The following RP1 variants were observed in gnomAD, a reference collection of about 807,000 sequenced individuals.
The protein encoded by RP1 is oxygen-regulated protein 1.
A neutral mutation model predicts 14.8 loss-of-function variants in RP1; 16 were observed. The observed-to-expected ratio is 1.08, with a 90% confidence interval of 0.73 to 1.65. RP1 has a LOEUF of 1.65. Ranked by LOEUF, RP1 falls within the 40% of genes most tolerant of loss-of-function variation. The pLI, the probability that RP1 is intolerant of heterozygous loss-of-function variation, is 0.00. For synonymous variants in RP1, 876 were observed against 883.6 expected (o/e 0.99, Z 0.15); for missense variants, 2,631 against 2,535.0 (o/e 1.04, Z -0.81).
At chr8:54,617,324 C>A (rs1805743191) in intron 1 of RP1, among the ~76,000 whole-genome samples, 1 of 152,142 alleles carries the variant, frequency 6.6e-6, no homozygotes, top group African/African-American at 2.4e-5. Context: ...CTGCCTTATT[C>A]CAAATTTAAA....
intron 25 of RP1, among the ~76,000 whole-genome samples, chr8:54,850,126 T>A (rs1292402930): frequency 6.6e-6 from 1 of 152,194 alleles, no homozygotes; most frequent in Non-Finnish European, 1.5e-5. Context: ...CCAACATAGA[T>A]GGATAACCAA....
intron 9 of RP1, among the ~76,000 whole-genome samples, chr8:54,679,089 T>A (rs933583228): frequency 6.6e-6 from 1 of 152,172 alleles, no homozygotes; most frequent in African/African-American, 2.4e-5. Flanking sequence ...TTGAACTATA[T>A]TTAGTGGCCA....
intron 25 of RP1, among the ~76,000 whole-genome samples, chr8:54,845,835 C>T (rs1811905271): frequency 6.6e-6 from 1 of 152,202 alleles, no homozygotes; most frequent in Non-Finnish European, 1.5e-5. Context: ...GTCCTCAGTA[C>T]TTCTTTGCTC....
intron 26 of RP1, chr8:54,857,004 TGA>T (rs1812218540): frequency 1.2e-6 from 1 of 828,856 alleles, no homozygotes; most frequent in African/African-American, 1.8e-5. Flanking sequence ...TAATGGTCAC[TGA>T]GTTTATTTCT....
chr8:54,588,420 T>C (rs903726485), intron 1 of RP1, among the ~76,000 whole-genome samples: 1 of 152,186 alleles, frequency 6.6e-6, no homozygotes, highest in Admixed American at 6.5e-5. Flanking sequence ...AAGGTCTGAC[T>C]GGTGCAGGAA....
intron 27 of RP1, chr8:54,865,765 T>C: frequency 1.9e-6 from 1 of 518,986 alleles, no homozygotes; most frequent in Non-Finnish European, 3.0e-6. Flanking sequence ...GGAGGACCTA[T>C]GAATAAAATC....
At chr8:54,693,412 A>G (rs1807768971) in intron 12 of RP1, among the ~76,000 whole-genome samples, 1 of 152,122 alleles carries the variant, frequency 6.6e-6, no homozygotes, top group Non-Finnish European at 1.5e-5. Context: ...CTTGGACAGT[A>G]TGGCCATTTT....
chr8:54,605,206 T>C (rs1369942356), intron 1 of RP1, among the ~76,000 whole-genome samples: 1 of 152,224 alleles, frequency 6.6e-6, no homozygotes, highest in African/African-American at 2.4e-5. Context: ...ACACACTGCT[T>C]TGAATGTGTC....
chr8:54,858,920 C>T (rs532457261), intron 27 of RP1, among the ~76,000 whole-genome samples: 39 of 152,152 alleles, frequency 2.6e-4, no homozygotes, highest in African/African-American at 8.7e-4. Context: ...AGTGGCTTCA[C>T]TGCAGAGTGG....
chr8:54,636,876 T>C (rs985609636), intron 3 of RP1, among the ~76,000 whole-genome samples: 16 of 152,260 alleles, frequency 1.1e-4, no homozygotes, highest in African/African-American at 3.9e-4. Context: ...TATTTCAATA[T>C]AGGTCTGTTA....
intron 27 of RP1, among the ~76,000 whole-genome samples, chr8:54,864,416 T>C (rs1585758347): frequency 6.6e-6 from 1 of 152,204 alleles, no homozygotes; most frequent in Non-Finnish European, 1.5e-5. Context: ...AATAAAACAT[T>C]TTAATTTTCA....
chr8:54,794,930 G>T (rs1478368455), intron 24 of RP1, among the ~76,000 whole-genome samples: 1 of 151,980 alleles, frequency 6.6e-6, no homozygotes. Flanking sequence ...AATGGGAAAA[G>T]ACCTGAATAG....
chr8:54,562,527 A>C (rs57813236), intron 1 of RP1, among the ~76,000 whole-genome samples: 344 of 152,288 alleles, frequency 2.3e-3, no homozygotes, highest in African/African-American at 8.1e-3. Flanking sequence ...TACAAAAATT[A>C]GCAGGGTGTG....
intron 22 of RP1, chr8:54,759,175 T>TGTGTG: frequency 8.2e-7 from 1 of 1,214,340 alleles, no homozygotes; most frequent in Non-Finnish European, 1.1e-6. Context: ...TGTGTGTGTG[T>TGTGTG]ATCTTTTAGG....
chr8:54,688,224 A>T (rs962201974), intron 12 of RP1, among the ~76,000 whole-genome samples: 12 of 152,034 alleles, frequency 7.9e-5, no homozygotes, highest in African/African-American at 2.9e-4. Context: ...CTTTTGTTAG[A>T]TGGGTAGATT....
intron 15 of RP1, among the ~76,000 whole-genome samples, chr8:54,715,315 G>A (rs1808376846): frequency 6.6e-6 from 1 of 152,156 alleles, no homozygotes; most frequent in Non-Finnish European, 1.5e-5. Flanking sequence ...CAGAACTCAT[G>A]TTTTATTTCC....
chr8:54,731,442 C>A (rs192482574), intron 17 of RP1, among the ~76,000 whole-genome samples: 2 of 152,258 alleles, frequency 1.3e-5, no homozygotes, highest in Admixed American at 6.5e-5. Flanking sequence ...TCAACAAAAG[C>A]AACTGCTTTT....
intron 22 of RP1, among the ~76,000 whole-genome samples, chr8:54,765,598 T>A (rs528701951): frequency 2.0e-5 from 3 of 152,368 alleles, no homozygotes; most frequent in African/African-American, 7.2e-5. Context: ...CTTCCAATTC[T>A]CCTGAGTAGA....
downstream of RP1, among the ~76,000 whole-genome samples, chr8:54,772,773 A>G (rs1243009062): frequency 6.6e-6 from 1 of 152,214 alleles, no homozygotes; most frequent in Non-Finnish European, 1.5e-5. Context: ...TTCACTGCCC[A>G]CTGCCCCCAG....
Sources: gnomAD v4.1 joint callset for allele counts (sites outside exome capture counted in the v4.1 genomes callset) on GRCh38, gnomAD v4.1.1 for gene constraint, MANE v1.5 for transcripts, NCBI Gene and HGNC (gene_info 2026-07-23, HGNC 2026-07-21) for gene names.